CNTNAP2: variants seen among roughly 807,000 people sequenced by gnomAD.
CNTNAP2 encodes the protein contactin-associated protein-like 2.
In CNTNAP2, 98 loss-of-function variants were observed where a neutral mutation model predicts 155.2. That is an observed-to-expected ratio of 0.63 (90% CI 0.54 to 0.75). The LOEUF is 0.75. Ranked by LOEUF, CNTNAP2 falls within the 30% of genes least tolerant of loss-of-function variation. CNTNAP2 has a pLI of 0.00. For synonymous variants in CNTNAP2, 651 were observed against 631.2 expected, an observed-to-expected ratio of 1.03 and a Z score of -0.47; for missense variants, 1,727 against 1,688.1, an observed-to-expected ratio of 1.02 and a Z score of -0.40.
chr7:146,220,335 A>G (rs1799186163), intron 1 of CNTNAP2, among the ~76,000 whole-genome samples: 1 of 152,200 alleles, frequency 6.6e-6, no homozygotes, highest in Non-Finnish European at 1.5e-5. Flanking sequence ...AGCTAGGTCT[A>G]ATATCAATGT....
intron 1 of CNTNAP2, among the ~76,000 whole-genome samples, chr7:146,135,785 T>A (rs1797788679): frequency 6.6e-6 from 1 of 152,076 alleles, no homozygotes; most frequent in Non-Finnish European, 1.5e-5. Flanking sequence ...ATGTAATTGA[T>A]AATATATTAG....
intron 3 of CNTNAP2, among the ~76,000 whole-genome samples, chr7:147,039,668 A>T (rs1463394418): frequency 6.6e-6 from 1 of 152,152 alleles, no homozygotes; most frequent in Non-Finnish European, 1.5e-5. Context: ...AGAATGATTT[A>T]TATTCCTCTG....
Position 146,584,355 on chromosome 7 carries a change from C to A in CNTNAP2, c.98-189916C>A, listed in dbSNP as rs186272602. On this transcript the variant is annotated intron_variant, in intron 1 of 23. Coordinates refer to ENST00000361727, the MANE Select transcript of CNTNAP2 (RefSeq NM_014141.6). The stretch of plus-strand genomic sequence containing the variant: ...CAGTCAATGCTAATAGAGTGCCTAG[C>A]GCATAGGAAAACTGTCAGAAGGGTA... Among the ~76,000 whole-genome samples the A allele has an allele frequency of 4.0e-3, 609 of 152,182 alleles. 1 individual carries two copies. Among genetic ancestry groups the A allele is most frequent in the Admixed American group, 9.3e-3 (142 of 15,288 alleles).
At chr7:146,515,515 T>C (rs1036182569) in intron 1 of CNTNAP2, among the ~76,000 whole-genome samples, 1 of 152,124 alleles carries the variant, frequency 6.6e-6, no homozygotes, top group African/African-American at 2.4e-5. Context: ...AACAGTTGTT[T>C]CAGTTTTAAT....
intron 8 of CNTNAP2, among the ~76,000 whole-genome samples, chr7:147,274,864 T>C (rs917163821): frequency 2.0e-5 from 3 of 152,136 alleles, no homozygotes; most frequent in Non-Finnish European, 2.9e-5. Context: ...GTGAGAGGTA[T>C]GAGTCCAGTT....
At chr7:148,279,052 G>C (rs1796928077) in intron 21 of CNTNAP2, among the ~76,000 whole-genome samples, 1 of 152,164 alleles carries the variant, frequency 6.6e-6, no homozygotes, top group Non-Finnish European at 1.5e-5. Context: ...GAAGTCAGAG[G>C]GTTAGCCAGC....
intron 3 of CNTNAP2, among the ~76,000 whole-genome samples, chr7:146,976,751 A>T (rs1368000598): frequency 6.6e-6 from 1 of 152,118 alleles, no homozygotes; most frequent in Non-Finnish European, 1.5e-5. Flanking sequence ...GAGAAATGTC[A>T]TTACACAAGA....
chr7:146,242,795 A>C (rs1007205704), intron 1 of CNTNAP2, among the ~76,000 whole-genome samples: 3 of 152,182 alleles, frequency 2.0e-5, no homozygotes, highest in Admixed American at 2.0e-4. Flanking sequence ...ATAACACTAC[A>C]TATCACCCTG....
intron 13 of CNTNAP2, among the ~76,000 whole-genome samples, chr7:147,786,287 A>T (rs1480713077): frequency 6.6e-6 from 1 of 152,210 alleles, no homozygotes; most frequent in Admixed American, 6.5e-5. Context: ...ACAAAATTAG[A>T]AATCATATTC....
rs190555085 is a variant in CNTNAP2 at position 147,616,621 on chromosome 7, A to G, written c.1898-22485A>G. ...TTCCGAAATTTGCTCAAATATTAGG[A>G]TCTCCCTTACCAATCTGCCTGAAAT... On this transcript the variant is annotated intron_variant, in intron 12 of 23. Coordinates refer to ENST00000361727, the MANE Select transcript of CNTNAP2 (RefSeq NM_014141.6). 2.0e-3 allele frequency among the ~76,000 whole-genome samples: 306 copies of G among 152,136 alleles called. 5 individuals carry two copies. Among genetic ancestry groups the G allele is most frequent in the African/African-American group, 6.9e-3 (287 of 41,498 alleles).
At chr7:147,726,047 G>T (rs184517265) in intron 13 of CNTNAP2, among the ~76,000 whole-genome samples, 43 of 151,708 alleles carry the variant, frequency 2.8e-4, no homozygotes, top group African/African-American at 9.5e-4. Context: ...GTATAAAAAG[G>T]CATCTAAAAT....
chr7:147,220,888 G>A (rs1322583017), intron 8 of CNTNAP2, among the ~76,000 whole-genome samples: 1 of 151,686 alleles, frequency 6.6e-6, no homozygotes, highest in African/African-American at 2.4e-5. Flanking sequence ...TAATTTTTGT[G>A]TTTTTTAGTT....
chr7:147,615,696 G>C (rs1801276571), intron 12 of CNTNAP2, among the ~76,000 whole-genome samples: 1 of 151,880 alleles, frequency 6.6e-6, no homozygotes, highest in African/African-American at 2.4e-5. Flanking sequence ...TGGCTTGAAA[G>C]AAAAATCGTT....
At chr7:147,618,744 A>G (rs759994981) in intron 12 of CNTNAP2, among the ~76,000 whole-genome samples, 9 of 151,556 alleles carry the variant, frequency 5.9e-5, no homozygotes, top group Non-Finnish European at 1.0e-4. Flanking sequence ...TATACGATTA[A>G]GAAACTGGTT....
intron 1 of CNTNAP2, among the ~76,000 whole-genome samples, chr7:146,554,238 T>C (rs1798163615): frequency 6.6e-6 from 1 of 152,148 alleles, no homozygotes; most frequent in African/African-American, 2.4e-5. Context: ...ACTAGTGAGA[T>C]CTGAAGCCCC....
intron 10 of CNTNAP2, among the ~76,000 whole-genome samples, chr7:147,413,886 C>T (rs1842273): frequency 0.18 from 26,660 of 152,100 alleles, 2,964 homozygotes; most frequent in Non-Finnish European, 0.25. Flanking sequence ...GTTTATAAAA[C>T]AGAAAAGCCT....
At chr7:146,256,438 T>G (rs1376600979) in intron 1 of CNTNAP2, among the ~76,000 whole-genome samples, 1 of 152,126 alleles carries the variant, frequency 6.6e-6, no homozygotes, top group African/African-American at 2.4e-5. Context: ...TAGAATATTT[T>G]ATTTGCAGTT....
chr7:147,238,407 AC>A (rs1803863462), intron 8 of CNTNAP2, among the ~76,000 whole-genome samples: 1 of 150,358 alleles, frequency 6.7e-6, no homozygotes. Context: ...GTGCAGACAC[AC>A]ACACACACAC....
chr7:147,732,842 G>A (rs1796767452), intron 13 of CNTNAP2, among the ~76,000 whole-genome samples: 3 of 152,190 alleles, frequency 2.0e-5, no homozygotes, highest in Non-Finnish European at 2.9e-5. Flanking sequence ...CTTTTGAGAA[G>A]TGTCTGTTCA....
Sources: gnomAD v4.1 joint callset for allele counts (sites outside exome capture counted in the v4.1 genomes callset) on GRCh38, gnomAD v4.1.1 for gene constraint, MANE v1.5 for transcripts, NCBI Gene and HGNC (gene_info 2026-07-23, HGNC 2026-07-21) for gene names.